The following FNBP1 variants were observed in gnomAD, a reference collection of about 807,000 sequenced individuals.
FNBP1 encodes formin-binding protein 1.
Under a neutral mutation model 90.6 loss-of-function variants are expected in FNBP1, and 26 were observed. The observed-to-expected ratio is 0.29, with a 90% CI of 0.21 to 0.40. The LOEUF (loss-of-function observed/expected upper bound fraction) is 0.40. Among genes scored for constraint, FNBP1 ranks in the 10% least tolerant of loss-of-function variants. FNBP1 has a pLI of 1.00. For missense variants in FNBP1, 635 were observed against 768.0 expected (o/e 0.83, Z 2.05); for synonymous variants, 260 against 265.2 (o/e 0.98, Z 0.19).
chr9:129,919,392 C>G (rs980002264), intron 10 of FNBP1: 1 of 349,164 alleles, frequency 2.9e-6, no homozygotes, highest in African/African-American at 2.1e-5. Context: ...ATATGAAAAA[C>G]GTACATCCAT....
At chr9:130,053,469 G>C in the FNBP1 span, 30 of 173,800 alleles carry the variant, frequency 1.7e-4, no homozygotes, top group South Asian at 3.4e-3. Context: ...GAAGCGCCTA[G>C]AAAACCACAG....
chr9:129,958,515 C>G lies in FNBP1; in HGVS notation c.384G>C (p.Glu128Asp). Reference protein sequence around the residue: ...HDGRKAQQHIETCWKQLESSK... With the variant: ...HDGRKAQQHIDTCWKQLESSK... ...CAGATTCAAGCTGCTTCCAGCAAGT[C>G]TCGATGTGCTGCTGTGCTTTACGGC... The change falls in exon 5 of 17, where the codon GAG (glutamate) becomes GAC (aspartate). Residue 128 changes from glutamate (E) to aspartate (D), a missense_variant. By Grantham distance (45) the Glu-to-Asp change is conservative. Coordinates refer to ENST00000446176, the MANE Select transcript of FNBP1 (RefSeq NM_015033.3). 1 of 1,599,080 alleles carries G rather than the reference C, an allele frequency of 6.3e-7. No homozygotes were observed. Among genetic ancestry groups the G allele is most frequent in the Non-Finnish European group, 8.5e-7 (1 of 1,172,084 alleles).
intron 1 of FNBP1, among the ~76,000 whole-genome samples, chr9:130,040,945 A>T (rs1251005451): frequency 6.6e-6 from 1 of 151,708 alleles, no homozygotes; most frequent in Non-Finnish European, 1.5e-5. Flanking sequence ...TCATATCATT[A>T]ATATTTGTAT....
In FNBP1 at chr9:130,029,257, G is replaced by A. The variant is rs578123958; in HGVS notation, c.24+13695C>T. On this transcript the variant is annotated intron_variant, in intron 1 of 16. Coordinates refer to ENST00000446176, the MANE Select transcript of FNBP1 (RefSeq NM_015033.3). Reference sequence around the variant, plus strand: ...TGTAGCCTCAACTTCCTGAGCTCAAGCGATCCTCCCAACTCAGCCACCTCT... The same window carrying A: ...TGTAGCCTCAACTTCCTGAGCTCAAACGATCCTCCCAACTCAGCCACCTCT... Among the ~76,000 whole-genome samples the A allele has an allele frequency of 4.7e-4, 72 of 152,000 alleles. 1 individual carries two copies. The highest frequency in any genetic ancestry group is 1.6e-3 in the African/African-American group (68 of 41,440).
At chr9:129,952,886 G>A (rs1232958805) in intron 6 of FNBP1, among the ~76,000 whole-genome samples, 1 of 152,084 alleles carries the variant, frequency 6.6e-6, no homozygotes, top group Non-Finnish European at 1.5e-5. Flanking sequence ...TATTAACTCA[G>A]TTAATATTCG....
chr9:129,918,200 C>A (rs2040549348), intron 10 of FNBP1, among the ~76,000 whole-genome samples: 1 of 152,090 alleles, frequency 6.6e-6, no homozygotes, highest in Non-Finnish European at 1.5e-5. Flanking sequence ...ATAGGAAATA[C>A]CAAATTCTCA....
rs189641530 is a variant in FNBP1, at chr9:129,963,969, A to G, written c.346-5416T>C. Among the ~76,000 whole-genome samples, 705 of 152,190 alleles carry G rather than the reference A, an allele frequency of 4.6e-3. 2 individuals are homozygous for G. Among genetic ancestry groups the G allele is most frequent in the Non-Finnish European group, 7.6e-3 (516 of 68,006 alleles). ...ATCATTTATTTGGCCATAACATACG[A>G]AAAACTATCCGTGCTGGGGGATCCT... On this transcript the variant is annotated intron_variant, in intron 4 of 16. Transcript: ENST00000446176.
chr9:129,903,103 G>T, intron 12 of FNBP1, 102 bp from the exon 13 acceptor site: 1 of 1,144,510 alleles, frequency 8.7e-7, no homozygotes, highest in Non-Finnish European at 1.2e-6. Flanking sequence ...TGCGATCTCG[G>T]CTCACTGCAA....
At chr9:130,009,975 T>A (rs2056327488) in intron 1 of FNBP1, among the ~76,000 whole-genome samples, 2 of 126,310 alleles carry the variant, frequency 1.6e-5, no homozygotes, top group African/African-American at 3.3e-5. Context: ...CAAGACCCAG[T>A]CTCAAAAAAA....
At chr9:129,892,093 C>T (rs909150198) in intron 16 of FNBP1, among the ~76,000 whole-genome samples, 1 of 152,006 alleles carries the variant, frequency 6.6e-6, no homozygotes, top group South Asian at 2.1e-4. Flanking sequence ...CGCGGCTTTC[C>T]GGCAGTTATA....
At position 130,029,634 on chromosome 9, in the gene FNBP1, A is replaced by C. The variant is rs564980232; in HGVS notation, c.24+13318T>G. On this transcript the variant is annotated intron_variant, in intron 1 of 16. Coordinates refer to ENST00000446176, the MANE Select transcript of FNBP1 (RefSeq NM_015033.3). ...ATGCATGAGAAGGAATCAAAATGTT[A>C]AACAGTGCTACCTAAGCCACATCAA... Among the ~76,000 whole-genome samples, 35 of 152,322 alleles carry C rather than the reference A, an allele frequency of 2.3e-4. No individual in the cohort carries two copies. In the East Asian group the frequency reaches 6.2e-3, roughly 27 times the overall value.
rs182486156 is a variant in FNBP1 at position 130,012,422 on chromosome 9, G to A, written c.25-17464C>T. ...CATCATCATTGTCATCAACCAGTGG[G>A]GAAAGAACAAGCTGTTCAATAAGAG... On this transcript the variant is annotated intron_variant, in intron 1 of 16. Transcript: ENST00000446176. Among the ~76,000 whole-genome samples the A allele has an allele frequency of 5.5e-3, 833 of 152,044 alleles. 10 individuals are homozygous for A. The highest frequency in any genetic ancestry group is 0.019 in the African/African-American group (774 of 41,460).
rs549057088 is a variant in FNBP1 at position 129,895,416 on chromosome 9, A to T, written c.1846+422T>A. The T allele has an allele frequency of 4.7e-5, 52 of 1,097,526 alleles. No individual in the cohort carries two copies. The Admixed American group carries it at 1.4e-3, about 30-fold the overall frequency. 68.0% of individuals were successfully genotyped at this position (1,097,526 alleles called of 1,614,324 possible). On this transcript the variant is annotated intron_variant, in intron 16 of 16. Transcript: ENST00000446176. ...AATCTGTAACCACCTAATGTAGCTC[A>T]GTGTATGGTGGATACTAGATATAAA...
the FNBP1 span, among the ~76,000 whole-genome samples, chr9:130,051,566 G>A: frequency 1.3e-5 from 2 of 152,198 alleles, no homozygotes; most frequent in East Asian, 3.9e-4. Context: ...CTGTAATCCA[G>A]CAATTTGGTA....
chr9:129,956,863 T>C (rs946704367), intron 6 of FNBP1, among the ~76,000 whole-genome samples: 1 of 152,118 alleles, frequency 6.6e-6, no homozygotes, highest in African/African-American at 2.4e-5. Flanking sequence ...CGTCTCAAAT[T>C]CTAACACCGA....
At chr9:129,971,026 C>A (rs573698491) in intron 4 of FNBP1, among the ~76,000 whole-genome samples, 29 of 152,062 alleles carry the variant, frequency 1.9e-4, no homozygotes, top group African/African-American at 7.0e-4. Flanking sequence ...GCTGGGATTA[C>A]AGGCGCACAC....
At chr9:130,049,507 A>G in the FNBP1 span, among the ~76,000 whole-genome samples, 1 of 152,126 alleles carries the variant, frequency 6.6e-6, no homozygotes, top group South Asian at 2.1e-4. Context: ...TGAGCCCAGG[A>G]GATTTAGACC....
intron 1 of FNBP1, among the ~76,000 whole-genome samples, chr9:130,017,146 TTCAA>T (rs1028684501): frequency 5.9e-5 from 9 of 152,032 alleles, no homozygotes; most frequent in African/African-American, 2.2e-4. Flanking sequence ...TAAAAAATAA[TTCAA>T]TCATACCATA....
chr9:130,014,827 A>G (rs1053832556), intron 1 of FNBP1, among the ~76,000 whole-genome samples: 7 of 152,104 alleles, frequency 4.6e-5, no homozygotes, highest in Non-Finnish European at 8.8e-5. Context: ...TAAAGTATTG[A>G]ACTATTACTT....
Sources: allele counts gnomAD v4.1 joint callset (sites outside exome capture counted in the v4.1 genomes callset), GRCh38; gene constraint gnomAD v4.1.1; transcripts MANE v1.5; gene names NCBI Gene and HGNC (gene_info 2026-07-23, HGNC 2026-07-21).